Variants in RGPD3 observed in about 807,000 individuals in gnomAD.
The protein encoded by RGPD3 is RANBP2 like and GRIP domain containing 3.
RGPD3 carries 62 observed loss-of-function variants against 154.5 expected under a neutral mutation model. The ratio of observed to expected loss-of-function variants is 0.40; its 90% CI spans 0.33 to 0.50. RGPD3 has a LOEUF of 0.50. Ranked by LOEUF, RGPD3 falls within the 20% of genes least tolerant of loss-of-function variation. RGPD3 has a pLI of 0.59. For synonymous variants in RGPD3, 308 were observed against 607.0 expected (o/e 0.51, Z 7.24); for missense variants, 919 against 1,716.8 (o/e 0.54, Z 8.21).
At chr2:106,405,380 T>A (rs1231343214) in intron 22 of RGPD3, among the ~76,000 whole-genome samples, 151 bp from the exon 23 acceptor site, 1 of 145,736 alleles carries the variant, frequency 6.9e-6, no homozygotes, top group African/African-American at 2.5e-5. Context: ...GGGTTCTTTT[T>A]TTTTTTTTTT....
At chr2:106,410,904 C>T (rs1453521328) in intron 22 of RGPD3, among the ~76,000 whole-genome samples, 1 of 151,980 alleles carries the variant, frequency 6.6e-6, no homozygotes, top group Non-Finnish European at 1.5e-5. Flanking sequence ...GTTTGAAGAA[C>T]TGAGATTACT....
In RGPD3 at chr2:106,424,724, G is replaced by A. The variant is rs746251444; in HGVS notation, c.3243C>T (p.Gly1081=). ...DAEVSQWKER[G]LGNLKILKNE... ...TTTTGAGAATTTTTAAGTTCCCCAA[G>A]CCCCTTTCTTTCCACTGACTTACCT... Residue 1081 remains glycine (G), a synonymous_variant, in exon 20 of 23, where the codon GGC becomes GGT. Transcript: ENST00000409886. 6.2e-7 allele frequency: 1 copy of A among 1,611,780 alleles called. No homozygotes were observed. Among genetic ancestry groups the A allele is most frequent in the African/African-American group, 1.3e-5 (1 of 74,814 alleles).
At chr2:106,438,540 G>C (rs982173750) in intron 9 of RGPD3, among the ~76,000 whole-genome samples, 3 of 150,596 alleles carry the variant, frequency 2.0e-5, no homozygotes, top group Admixed American at 2.0e-4. Context: ...CCAGCACTTT[G>C]GGAGGCCAAG....
chr2:106,417,771 G>C (rs1411548713), intron 20 of RGPD3, among the ~76,000 whole-genome samples: 3 of 151,336 alleles, frequency 2.0e-5, no homozygotes, highest in Admixed American at 6.6e-5. Flanking sequence ...GATAAGAGTA[G>C]AGGAATTAAG....
In RGPD3 at chr2:106,461,441, C is replaced by A. The variant is rs546394507; in HGVS notation, c.73-2109G>T. Among the ~76,000 whole-genome samples, 5 of 152,282 alleles carry A rather than the reference C, an allele frequency of 3.3e-5. No homozygotes were observed. The South Asian group carries it at 1.0e-3, about 32-fold the overall frequency. ...GCACATACAGCATGAATATGTTGGA[C>A]AAAGGGATGACTTGTGTCCTAGGTA... is the stretch of plus-strand genomic sequence containing the variant. On this transcript the variant is annotated intron_variant, in intron 1 of 22. Coordinates refer to ENST00000409886, the MANE Select transcript of RGPD3 (RefSeq NM_001144013.2).
At chr2:106,449,680 T>C (rs1372829052) in intron 6 of RGPD3, among the ~76,000 whole-genome samples, 1 of 151,652 alleles carries the variant, frequency 6.6e-6, no homozygotes, top group Non-Finnish European at 1.5e-5. Context: ...GATTGAGACC[T>C]TCCAGTACTT....
At position 106,425,284 on chromosome 2, in the gene RGPD3, G is replaced by A. The variant is rs1367470531; in HGVS notation, c.2701-18C>T. 1 of 1,609,560 alleles carries A rather than the reference G, an allele frequency of 6.2e-7. No individual in the cohort carries two copies. The highest frequency in any genetic ancestry group is 8.5e-7 in the Non-Finnish European group (1 of 1,179,186). Reference sequence around the variant, plus strand: ...GAAGAACCCTGAAACATAAATGAAGGTGAATTTTCTTGATCCACATGCCCA... The same window carrying A: ...GAAGAACCCTGAAACATAAATGAAGATGAATTTTCTTGATCCACATGCCCA... On this transcript the variant is annotated intron_variant, in intron 19 of 22. Transcript: ENST00000409886.
chr2:106,449,460 C>CT (rs1288273361), intron 6 of RGPD3, among the ~76,000 whole-genome samples: 4 of 103,036 alleles, frequency 3.9e-5, no homozygotes, highest in African/African-American at 1.1e-4. Flanking sequence ...GAGCAAAACT[C>CT]TGTCTCAAAA....
At chr2:106,461,258 T>C (rs1305453971) in intron 1 of RGPD3, among the ~76,000 whole-genome samples, 4 of 135,782 alleles carry the variant, frequency 2.9e-5, no homozygotes, top group East Asian at 4.8e-4. Context: ...GGAAGCACTA[T>C]ATGGCTTCTC....
At chr2:106,435,857 T>C (rs1427370381) in intron 12 of RGPD3, among the ~76,000 whole-genome samples, 2 of 152,252 alleles carry the variant, frequency 1.3e-5, no homozygotes, top group Non-Finnish European at 2.9e-5. Flanking sequence ...TTTTTTTTAA[T>C]TTTCAGGCTG....
Position 106,404,774 on chromosome 2 carries a change from C to T in RGPD3, c.*445G>A. On this transcript the variant is annotated 3_prime_UTR_variant, in exon 23 of 23. Transcript: ENST00000409886. ...TCAGGCATGAATCACCACACCTGGC[C>T]TTGAAACATTATTTTTAAAGCCTAA... Among the ~76,000 whole-genome samples, 2 of 105,658 alleles carry T rather than the reference C, an allele frequency of 1.9e-5. No homozygotes were observed. The highest frequency in any genetic ancestry group is 3.9e-3 in the Middle Eastern group (1 of 254). 69.3% of individuals were successfully genotyped at this position (105,658 alleles called of 152,430 possible).
chr2:106,466,155 G>A (rs370814123), intron 1 of RGPD3, among the ~76,000 whole-genome samples: 13 of 148,988 alleles, frequency 8.7e-5, no homozygotes, highest in Admixed American at 2.0e-4. Flanking sequence ...AGCGAGCACC[G>A]TCGGGAACAA....
rs1180654703 is a variant in RGPD3, at chr2:106,434,750, CTTCATA to C, written c.1939_1944del (p.Tyr647_Glu648del). The C allele has an allele frequency of 3.0e-6, 1 of 336,150 alleles. No individual in the cohort carries two copies. Among genetic ancestry groups the C allele is most frequent in the Non-Finnish European group, 4.8e-6 (1 of 207,122 alleles). The allele number at this position is 336,150 out of a possible 1,614,324, so 20.8% of individuals were successfully genotyped here. ...ATAGCAAAAGTTACGTGTGCGTCTT[CTTCATA>C]TTCAACAATTTCTGATGCCTAAACA... On this transcript the variant is annotated inframe_deletion, in exon 14 of 23. Transcript: ENST00000409886.
chr2:106,468,177 G>C (rs763824592), intron 1 of RGPD3, 40 bp downstream of exon 1: 1 of 1,571,628 alleles, frequency 6.4e-7, no homozygotes, highest in Non-Finnish European at 8.6e-7. Context: ...GCCGCCGCCC[G>C]GCCAGGTCGA....
At chr2:106,414,886 A>G (rs1676778081) in intron 21 of RGPD3, among the ~76,000 whole-genome samples, 1 of 152,004 alleles carries the variant, frequency 6.6e-6, no homozygotes, top group Admixed American at 6.6e-5. Flanking sequence ...GTACAGGGGA[A>G]AAGCATGTAC....
chr2:106,449,493 A>T (rs1404199099), intron 6 of RGPD3, among the ~76,000 whole-genome samples: 1 of 150,304 alleles, frequency 6.7e-6, no homozygotes, highest in African/African-American at 2.4e-5. Context: ...AAAAAGCTAT[A>T]ATTATTAACA....
chr2:106,467,734 G>A (rs1157793443), intron 1 of RGPD3, among the ~76,000 whole-genome samples: 1 of 141,958 alleles, frequency 7.0e-6, no homozygotes, highest in Non-Finnish European at 1.5e-5. Flanking sequence ...CCTCAACAGA[G>A]CGCGCCAGGG....
chr2:106,409,321 G>T (rs1253214713), intron 22 of RGPD3, among the ~76,000 whole-genome samples: 2 of 152,024 alleles, frequency 1.3e-5, no homozygotes, highest in African/African-American at 4.8e-5. Flanking sequence ...TAATATGGTG[G>T]TAAGTTTCCT....
At chr2:106,432,770 C>A (rs1439406670) in intron 17 of RGPD3, among the ~76,000 whole-genome samples, 165 bp downstream of exon 17, 9 of 80,104 alleles carry the variant, frequency 1.1e-4, no homozygotes, top group Non-Finnish European at 1.8e-4. Flanking sequence ...CACAACAAGA[C>A]CCTGCCTTAA....
Sources: gnomAD v4.1 joint callset for allele counts (sites outside exome capture counted in the v4.1 genomes callset) on GRCh38, gnomAD v4.1.1 for gene constraint, MANE v1.5 for transcripts, NCBI Gene and HGNC (gene_info 2026-07-23, HGNC 2026-07-21) for gene names.